The following AOX1 variants were observed in gnomAD, a reference collection of about 807,000 sequenced individuals.
AOX1 encodes aldehyde oxidase.
A neutral mutation model predicts 169.5 loss-of-function variants in AOX1; 153 were observed. The ratio of observed to expected loss-of-function variants is 0.90; its 90% CI spans 0.79 to 1.03. The LOEUF (loss-of-function observed/expected upper bound fraction) is 1.03, where lower values mean the gene tolerates loss of function less well. Among genes scored for constraint, AOX1 ranks in the 50% least tolerant of loss-of-function variants. The pLI is 0.00. For missense variants in AOX1, 1,656 were observed against 1,663.9 expected, an observed-to-expected ratio of 1.00 and a Z score of 0.08; for synonymous variants, 562 against 581.9, an observed-to-expected ratio of 0.97 and a Z score of 0.49.
Position 200,651,052 on chromosome 2 carries a change from T to A in AOX1, c.2926T>A (p.Cys976Ser). Residue 976 changes from cysteine to serine, a missense_variant, in exon 26 of 35, where the codon TGT becomes AGT. Physicochemically the swap from Cys to Ser is moderately radical, Grantham distance 112. Coordinates refer to ENST00000374700, the MANE Select transcript of AOX1 (RefSeq NM_001159.4). ...QEINAKNLIQCWRECMAMSSY... is the reference protein window; with the variant it reads ...QEINAKNLIQSWRECMAMSSY... ...GATCAATGCCAAGAACCTAATCCAG[T>A]GTTGGAGAGAATGTATGGCCATGTC... is the stretch of plus-strand genomic sequence containing the variant. 1 of 1,614,174 alleles carries A rather than the reference T, an allele frequency of 6.2e-7. No individual in the cohort carries two copies. Among genetic ancestry groups the A allele is most frequent in the East Asian group, 2.2e-5 (1 of 44,882 alleles).
chr2:200,653,481 A>C (rs1326775087), intron 26 of AOX1, among the ~76,000 whole-genome samples: 1 of 152,188 alleles, frequency 6.6e-6, no homozygotes, highest in Non-Finnish European at 1.5e-5. Context: ...GTAGGTATGA[A>C]TCTCTCTATT....
At chr2:200,622,267 C>G (rs1039577253) in intron 18 of AOX1, among the ~76,000 whole-genome samples, 1 of 152,248 alleles carries the variant, frequency 6.6e-6, no homozygotes, top group Non-Finnish European at 1.5e-5. Flanking sequence ...ATGTCTGATT[C>G]ATCTGTGTAT....
chr2:200,654,719 T>G (rs1039112262), intron 26 of AOX1, among the ~76,000 whole-genome samples: 2 of 152,206 alleles, frequency 1.3e-5, no homozygotes, highest in Non-Finnish European at 2.9e-5. Context: ...ATACCAGTAG[T>G]ATTTGTTTGA....
chr2:200,630,183 G>A (rs1401494833), intron 20 of AOX1, among the ~76,000 whole-genome samples: 30 of 137,338 alleles, frequency 2.2e-4, no homozygotes, highest in African/African-American at 8.2e-4. Context: ...AGACCAGCCC[G>A]GTCAATGTAG....
At chr2:200,647,986 T>C (rs1384589869) in intron 25 of AOX1, among the ~76,000 whole-genome samples, 2 of 152,208 alleles carry the variant, frequency 1.3e-5, no homozygotes, top group African/African-American at 4.8e-5. Context: ...TATTTCTCCC[T>C]AACTTCTTGT....
Position 200,650,978 on chromosome 2 carries a change from G to T in AOX1, c.2852G>T (p.Arg951Leu). 6.2e-7 allele frequency: 1 copy of T among 1,613,998 alleles called. No homozygotes were observed. Among genetic ancestry groups the T allele is most frequent in the Non-Finnish European group, 8.5e-7 (1 of 1,179,942 alleles). The change falls in exon 26 of 35, where the codon CGA becomes CTA. Residue 951 changes from arginine to leucine, a missense_variant. Physicochemically the swap from Arg to Leu is moderately radical, Grantham distance 102. Coordinates refer to ENST00000374700, the MANE Select transcript of AOX1 (RefSeq NM_001159.4). ...AKCGLSPEKV[R>L]IINMYKEIDQ... is the part of the protein sequence containing the mutation. ...TAATCTCCTTTTCTTTCATAGGTGC[G>T]AATCATAAACATGTACAAGGAAATT...
rs58185012 is a variant in AOX1, at chr2:200,609,017, A to G, written c.941A>G (p.Gln314Arg). Residue 314 changes from glutamine (Q) to arginine (R), a missense_variant, in exon 11 of 35, where the codon CAG (glutamine) becomes CGG (arginine). By Grantham distance (43) the Gln-to-Arg change is conservative. Transcript: ENST00000374700. The part of the protein sequence containing the change: ...LTLGAGLSLA[Q>R]VKDILADVVQ... ...CTTGGTGCTGGTCTCAGCCTAGCCCAGGTGAAGGACATTTTGGCTGATGTA... is the reference window on the plus strand; with the variant it reads ...CTTGGTGCTGGTCTCAGCCTAGCCCGGGTGAAGGACATTTTGGCTGATGTA... 2,089 of 1,614,088 alleles carry G rather than the reference A, an allele frequency of 1.3e-3. 26 individuals carry two copies. The African/African-American group carries it at 0.025, about 19-fold the overall frequency.
Position 200,613,788 on chromosome 2 carries a change from T to A in AOX1, c.1449-16T>A. On this transcript the variant is annotated splice_polypyrimidine_tract_variant and intron_variant, in intron 14 of 34. Coordinates refer to ENST00000374700, the MANE Select transcript of AOX1 (RefSeq NM_001159.4). The stretch of plus-strand genomic sequence containing the variant: ...AAACCCTGTCAGGCTAGGAGTCTTC[T>A]CTTTGGACTTTCCAGGCACTGGAAC... The A allele has an allele frequency of 6.2e-7, 1 of 1,609,054 alleles. No individual in the cohort carries two copies. Among genetic ancestry groups the A allele is most frequent in the East Asian group, 2.2e-5 (1 of 44,824 alleles).
chr2:200,604,291 C>T (rs1302655963), intron 8 of AOX1, among the ~76,000 whole-genome samples, 194 bp downstream of exon 8: 1 of 152,140 alleles, frequency 6.6e-6, no homozygotes, highest in East Asian at 1.9e-4. Context: ...TGGGGGACAG[C>T]TGAGTTGACT....
intron 15 of AOX1, 64 bp downstream of exon 15, chr2:200,614,030 G>A (rs904351569): frequency 2.1e-6 from 3 of 1,449,214 alleles, no homozygotes; most frequent in East Asian, 2.3e-5. Context: ...CAAAAGTAGA[G>A]GCAATGACTC....
At chr2:200,593,100 T>G (rs754130595) in intron 1 of AOX1, 46 bp from the exon 2 acceptor site, 2 of 1,434,556 alleles carry the variant, frequency 1.4e-6, no homozygotes, top group Non-Finnish European at 2.0e-6. Flanking sequence ...CAATGTGAAT[T>G]TCATATTAGC....
intron 15 of AOX1, 114 bp downstream of exon 15, chr2:200,614,080 T>G (rs1346691130): frequency 2.0e-6 from 2 of 994,098 alleles, no homozygotes; most frequent in Middle Eastern, 3.3e-4. Context: ...CAATCCACAT[T>G]AGAAACACAC....
rs887520557 is a variant in AOX1, at chr2:200,676,742, T to G, written c.487-136T>G. ...AGGTTGGCTTAAAGGAGGAGGAAAGTGGGGGTAACAGAGCAAGGCGGGGAG... is the reference window on the plus strand; with the variant it reads ...AGGTTGGCTTAAAGGAGGAGGAAAGGGGGGGTAACAGAGCAAGGCGGGGAG... On this transcript the variant is annotated intron_variant, in intron 4 of 4. Coordinates refer to the AOX1 transcript ENST00000439380. The G allele has an allele frequency of 1.9e-5, 6 of 309,490 alleles. No individual in the cohort carries two copies. In the East Asian group the frequency reaches 6.0e-4, roughly 31 times the overall value. The allele number at this position is 309,490 out of a possible 1,614,324, so 19.2% of individuals were successfully genotyped here.
At position 200,659,069 on chromosome 2, in the gene AOX1, G is replaced by T. The variant is rs879167519; in HGVS notation, c.3172-96G>T. The T allele has an allele frequency of 8.7e-5, 103 of 1,189,990 alleles. No individual in the cohort carries two copies. In the South Asian group the frequency reaches 1.4e-3, roughly 17 times the overall value. The allele number at this position is 1,189,990 out of a possible 1,614,324, so 73.7% of individuals were successfully genotyped here. On this transcript the variant is annotated intron_variant, in intron 27 of 34. Transcript: ENST00000374700. ...GTTCTGCTCCCTTGTCCCTGTCATG[G>T]GTATGAGGGTATCACACATGTGTTA... is the stretch of plus-strand genomic sequence containing the variant.
intron 21 of AOX1, among the ~76,000 whole-genome samples, chr2:200,636,561 T>C (rs1193031614): frequency 6.6e-6 from 1 of 152,164 alleles, no homozygotes; most frequent in Non-Finnish European, 1.5e-5. Context: ...TAGAATACTT[T>C]AGGAGTGGTT....
chr2:200,603,262 A>G lies in AOX1; in HGVS notation c.499-5A>G. 1 of 1,613,210 alleles carries G rather than the reference A, an allele frequency of 6.2e-7. No homozygotes were observed. Among genetic ancestry groups the G allele is most frequent in the Non-Finnish European group, 8.5e-7 (1 of 1,179,372 alleles). ...ATTCCTAGTGATTTGTTTTTTGTCCACTAGACTTCGGGCTGCTGTCAAAGT... is the reference window on the plus strand; with the variant it reads ...ATTCCTAGTGATTTGTTTTTTGTCCGCTAGACTTCGGGCTGCTGTCAAAGT... On this transcript the variant is annotated splice_region_variant and splice_polypyrimidine_tract_variant and intron_variant, in intron 6 of 34. Transcript: ENST00000374700.
At chr2:200,626,364 C>T (rs2035006696) in intron 19 of AOX1, among the ~76,000 whole-genome samples, 1 of 152,146 alleles carries the variant, frequency 6.6e-6, no homozygotes, top group Non-Finnish European at 1.5e-5. Context: ...TACTGGTGGC[C>T]AGAAGGAAAC....
At chr2:200,627,231 C>A in intron 19 of AOX1, 122 bp from the exon 20 acceptor site, 1 of 676,232 alleles carries the variant, frequency 1.5e-6, no homozygotes, top group Admixed American at 2.4e-5. Flanking sequence ...GGTGAAAGTG[C>A]ACGGAACCAC....
chr2:200,590,575 C>T (rs1242196169), intron 1 of AOX1, among the ~76,000 whole-genome samples: 1 of 152,144 alleles, frequency 6.6e-6, no homozygotes, highest in Non-Finnish European at 1.5e-5. Context: ...ACAACAACAA[C>T]AACAACAACA....
Sources: gnomAD v4.1 joint callset for allele counts (sites outside exome capture counted in the v4.1 genomes callset) on GRCh38, gnomAD v4.1.1 for gene constraint, MANE v1.5 for transcripts, NCBI Gene and HGNC (gene_info 2026-07-23, HGNC 2026-07-21) for gene names.